Variants in FAF1 observed in about 807,000 individuals in gnomAD.
FAF1 encodes the protein FAS-associated factor 1.
A neutral mutation model predicts 92.5 loss-of-function variants in FAF1; 25 were observed. That is an observed-to-expected ratio of 0.27 (90% CI 0.20 to 0.38). The LOEUF (loss-of-function observed/expected upper bound fraction) is 0.38. Ranked by LOEUF, FAF1 falls within the 10% of genes least tolerant of loss-of-function variation. The pLI is 1.00. For synonymous variants in FAF1, 234 were observed against 273.2 expected (o/e 0.86, Z 1.42); for missense variants, 636 against 793.3 (o/e 0.80, Z 2.38).
chr1:50,787,028 T>C (rs1189799355), intron 4 of FAF1, among the ~76,000 whole-genome samples: 1 of 152,062 alleles, frequency 6.6e-6, no homozygotes, highest in East Asian at 1.9e-4. Flanking sequence ...TCCAGAAACA[T>C]CTAGAATTCA....
chr1:50,539,598 T>C lies in FAF1; in HGVS notation c.1399A>G (p.Ile467Val), dbSNP rs1648661988. Reference sequence around the variant, plus strand: ...CTTGTGACATGTACTTTACCTTGTATCACATTCAACACTTCATTAGATGAT... The same window carrying C: ...CTTGTGACATGTACTTTACCTTGTACCACATTCAACACTTCATTAGATGAT... ...KRSSNEVLNV[I>V]QGNTTVDELM... is the part of the protein sequence containing the mutation. The change falls in exon 14 of 19, where the codon ATA becomes GTA. Residue 467 changes from isoleucine to valine, a missense_variant. Ile to Val is a conservative substitution (Grantham distance 29). Coordinates refer to ENST00000396153, the MANE Select transcript of FAF1 (RefSeq NM_007051.3). 6.2e-7 allele frequency: 1 copy of C among 1,612,332 alleles called. No homozygotes were observed.
chr1:50,768,079 C>T (rs1325515164), intron 4 of FAF1, among the ~76,000 whole-genome samples: 1 of 152,022 alleles, frequency 6.6e-6, no homozygotes, highest in Non-Finnish European at 1.5e-5. Flanking sequence ...CACCCACTGG[C>T]TAAAAGTAAA....
At chr1:50,692,292 T>TGG (rs1168087085) in intron 7 of FAF1, among the ~76,000 whole-genome samples, 1 of 139,428 alleles carries the variant, frequency 7.2e-6, no homozygotes, top group Non-Finnish European at 1.6e-5. Context: ...TGTGTGTGTG[T>TGG]GGTGGGAACA....
At chr1:50,443,187 T>A (rs1646189648) in intron 18 of FAF1, among the ~76,000 whole-genome samples, 1 of 152,234 alleles carries the variant, frequency 6.6e-6, no homozygotes, top group Non-Finnish European at 1.5e-5. Context: ...CTTGTAAATA[T>A]GATGTTTGTT....
intron 17 of FAF1, among the ~76,000 whole-genome samples, chr1:50,477,282 A>T (rs938303574): frequency 8.5e-5 from 13 of 152,268 alleles, no homozygotes; most frequent in African/African-American, 3.1e-4. Flanking sequence ...AATTATATAG[A>T]CCATATATAT....
intron 1 of FAF1, among the ~76,000 whole-genome samples, chr1:50,884,253 GCCTGTAAT>G (rs1308497435): frequency 3.3e-5 from 5 of 151,122 alleles, no homozygotes; most frequent in Non-Finnish European, 5.9e-5. Context: ...AGTGACTCAA[GCCTGTAAT>G]CCCAGCACTT....
intron 12 of FAF1, among the ~76,000 whole-genome samples, chr1:50,574,896 CTCTTTTT>C (rs1161969505): frequency 1.8e-4 from 22 of 122,886 alleles, no homozygotes; most frequent in African/African-American, 7.2e-4. Context: ...GTTGTATTAA[CTCTTTTT>C]TTTTTTTTTT....
chr1:50,726,201 A>G (rs952679519), intron 6 of FAF1, among the ~76,000 whole-genome samples: 2 of 152,028 alleles, frequency 1.3e-5, no homozygotes, highest in African/African-American at 4.8e-5. Context: ...GGTTGCAGAG[A>G]GCCGAGATTG....
intron 2 of FAF1, among the ~76,000 whole-genome samples, chr1:50,841,091 T>C (rs1009318974): frequency 1.3e-5 from 2 of 152,006 alleles, no homozygotes; most frequent in African/African-American, 4.8e-5. Context: ...ACATCCCAAC[T>C]ATAGCACTAC....
At chr1:50,464,037 AG>A (rs1366124462) in intron 18 of FAF1, among the ~76,000 whole-genome samples, 2 of 152,214 alleles carry the variant, frequency 1.3e-5, no homozygotes, top group African/African-American at 2.4e-5. Flanking sequence ...ATACACCCAG[AG>A]GTAGGTCTAG....
chr1:50,781,977 G>A (rs1176668068), intron 4 of FAF1, among the ~76,000 whole-genome samples: 1 of 152,110 alleles, frequency 6.6e-6, no homozygotes, highest in Non-Finnish European at 1.5e-5. Context: ...CTTAGCCACT[G>A]TAACATTGTA....
At chr1:50,889,254 T>G (rs1389863308) in intron 1 of FAF1, among the ~76,000 whole-genome samples, 1 of 152,226 alleles carries the variant, frequency 6.6e-6, no homozygotes, top group Non-Finnish European at 1.5e-5. Flanking sequence ...TTCTTCTCTC[T>G]TTTCTTCTTT....
intron 4 of FAF1, among the ~76,000 whole-genome samples, chr1:50,783,364 G>C (rs1435351866): frequency 6.6e-6 from 1 of 152,144 alleles, no homozygotes; most frequent in African/African-American, 2.4e-5. Context: ...CACGAGGCCA[G>C]CATTACATCA....
intron 1 of FAF1, among the ~76,000 whole-genome samples, chr1:50,890,136 A>T (rs1644706657): frequency 1.3e-5 from 2 of 151,894 alleles, no homozygotes; most frequent in Admixed American, 1.3e-4. Context: ...TGTCTCTTTT[A>T]ATCTTTGTTG....
intron 18 of FAF1, among the ~76,000 whole-genome samples, chr1:50,458,188 G>A (rs544655342): frequency 7.1e-4 from 108 of 152,242 alleles, no homozygotes; most frequent in African/African-American, 2.6e-3. Flanking sequence ...ACTCCAGCCT[G>A]GGCAACAAGG....
intron 1 of FAF1, among the ~76,000 whole-genome samples, chr1:50,871,479 A>G (rs543134814): frequency 6.6e-6 from 1 of 152,200 alleles, no homozygotes; most frequent in Admixed American, 6.5e-5. Flanking sequence ...GTGACTTTCA[A>G]CTGAAGCCAA....
At chr1:50,487,283 T>G (rs1381168907) in intron 17 of FAF1, among the ~76,000 whole-genome samples, 1 of 152,182 alleles carries the variant, frequency 6.6e-6, no homozygotes, top group African/African-American at 2.4e-5. Context: ...ATATTTTCCT[T>G]TGTTTTGGCC....
intron 15 of FAF1, among the ~76,000 whole-genome samples, chr1:50,534,999 T>A (rs771327328): frequency 2.0e-5 from 3 of 152,178 alleles, no homozygotes; most frequent in Non-Finnish European, 4.4e-5. Context: ...TTAATCTCAA[T>A]ATTTAAAAAG....
intron 17 of FAF1, among the ~76,000 whole-genome samples, chr1:50,482,598 A>G (rs971126890): frequency 6.6e-6 from 1 of 152,098 alleles, no homozygotes; most frequent in African/African-American, 2.4e-5. Flanking sequence ...TCCAAAGTGG[A>G]TGTGGATGTA....
Sources: allele counts gnomAD v4.1 joint callset (sites outside exome capture counted in the v4.1 genomes callset), GRCh38; gene constraint gnomAD v4.1.1; transcripts MANE v1.5; gene names NCBI Gene and HGNC (gene_info 2026-07-23, HGNC 2026-07-21).